Variants in DMBT1 observed in about 807,000 individuals in gnomAD.
DMBT1 encodes scavenger receptor cysteine-rich domain-containing protein DMBT1.
DMBT1 carries 198 observed loss-of-function variants against 252.9 expected under a neutral mutation model. The ratio of observed to expected loss-of-function variants is 0.78; its 90% CI spans 0.70 to 0.88. The LOEUF is 0.88. Among genes scored for constraint, DMBT1 ranks in the 40% least tolerant of loss-of-function variants. DMBT1 has a pLI of 0.00. For synonymous variants in DMBT1, 990 were observed against 942.7 expected (o/e 1.05, Z -0.92); for missense variants, 2,432 against 2,404.7 (o/e 1.01, Z -0.24).
chr10:122,633,251 A>G lies in DMBT1; in HGVS notation c.6458A>G (p.Tyr2153Cys), dbSNP rs2098180918. The G allele has an allele frequency of 1.9e-6, 3 of 1,613,332 alleles. No individual in the cohort carries two copies. The highest frequency in any genetic ancestry group is 1.7e-5 in the Admixed American group (1 of 59,994). The change falls in exon 52 of 56, where the codon TAT becomes TGT. Residue 2153 changes from tyrosine (Y) to cysteine (C), a missense_variant. By Grantham distance (194) the Tyr-to-Cys change is radical. Around this residue, in one of 3 missense-constraint regions of DMBT1, gnomAD observed 1,162 missense variants for 1,169.0 expected, o/e 0.99. Coordinates refer to ENST00000338354, the MANE Select transcript of DMBT1 (RefSeq NM_001377530.1). ...QPSGDFSSPF[Y>C]PGNYPNNAKC... is the part of the protein sequence containing the mutation. ...TCAGGGGACTTTTCCAGCCCATTCTATCCCGGGAACTATCCAAACAATGCC... is the reference window on the plus strand; with the variant it reads ...TCAGGGGACTTTTCCAGCCCATTCTGTCCCGGGAACTATCCAAACAATGCC...
intron 52 of DMBT1, among the ~76,000 whole-genome samples, chr10:122,634,587 C>G (rs759044835): frequency 6.6e-6 from 1 of 151,600 alleles, no homozygotes; most frequent in Non-Finnish European, 1.5e-5. Context: ...ACCTCTGCCT[C>G]CCGGGTTCAA....
chr10:122,586,274 G>A lies in DMBT1; in HGVS notation c.1674G>A (p.Leu558=), dbSNP rs369322339. The change falls in exon 16 of 56, where the codon CTG becomes CTA. Residue 558 remains leucine (L), a synonymous_variant. Transcript: ENST00000338354. ...GTCAGGGCTCAGGACCCATTGTCCT[G>A]GATGACGTGCGCTGCTCAGGGAATG... ...RFGQGSGPIV[L]DDVRCSGNES... is the part of the protein sequence containing the mutation. The A allele has an allele frequency of 9.1e-5, 144 of 1,588,666 alleles. No homozygotes were observed. In the African/African-American group the frequency reaches 1.6e-3, roughly 18 times the overall value.
chr10:122,599,149 A>T, intron 26 of DMBT1, 52 bp downstream of exon 26: 1 of 1,613,126 alleles, frequency 6.2e-7, no homozygotes, highest in Non-Finnish European at 8.5e-7. Flanking sequence ...TTTGCTCCAG[A>T]AGAAACTCCT....
At chr10:122,634,419 C>T (rs57408320) in intron 52 of DMBT1, among the ~76,000 whole-genome samples, 1,227 of 84,962 alleles carry the variant, frequency 0.014, 34 homozygotes, top group African/African-American at 0.066. Context: ...CTTTCTCTCT[C>T]TCTCTCTCTC....
chr10:122,623,576 C>G (rs1219266336), intron 44 of DMBT1, among the ~76,000 whole-genome samples: 1 of 152,206 alleles, frequency 6.6e-6, no homozygotes, highest in African/African-American at 2.4e-5. Flanking sequence ...GTTATGATGT[C>G]TTTTTCATCA....
chr10:122,573,666 C>T (rs1301961796), intron 5 of DMBT1, 49 bp from the exon 6 acceptor site: 1 of 1,606,488 alleles, frequency 6.2e-7, no homozygotes, highest in Non-Finnish European at 8.5e-7. Flanking sequence ...ACCAACCCTC[C>T]CCAAGCGAGG....
chr10:122,636,243 C>T (rs1463918309), intron 53 of DMBT1, 44 bp downstream of exon 53: 1 of 1,507,538 alleles, frequency 6.6e-7, no homozygotes, highest in African/African-American at 1.4e-5. Context: ...TGGGGACATC[C>T]TGAGAGCATC....
rs1191996073 is a variant in DMBT1, at chr10:122,631,153, G to T, written c.6218G>T (p.Gly2073Val). 8.1e-6 allele frequency: 13 copies of T among 1,613,860 alleles called. No homozygotes were observed. The highest frequency in any genetic ancestry group is 1.1e-5 in the Non-Finnish European group (13 of 1,179,906). Residue 2073 changes from glycine to valine, a missense_variant, in exon 49 of 56, where the codon GGC becomes GTC. Physicochemically the swap from Gly to Val is moderately radical, Grantham distance 109. Transcript: ENST00000338354. ...CTTGGAAATGCATATTTTGGCTCTG[G>T]CTCTGGCCCCATCACCCTGGACGAT... Reference protein sequence around the residue: ...SALGNAYFGSGSGPITLDDVE... With the variant: ...SALGNAYFGSVSGPITLDDVE...
rs1297300108 is a variant in DMBT1 at position 122,589,403 on chromosome 10, G to A, written c.2107+136G>A. Reference sequence around the variant, plus strand: ...CTGATATCTCCTTAGCTCTCTTCTAGGAAACTGCATGAGTCTTCACCACAG... The same window carrying A: ...CTGATATCTCCTTAGCTCTCTTCTAAGAAACTGCATGAGTCTTCACCACAG... On this transcript the variant is annotated intron_variant, in intron 17 of 55. Transcript: ENST00000338354. 5.0e-6 allele frequency: 7 copies of A among 1,400,320 alleles called. No homozygotes were observed. In the African/African-American group the frequency reaches 8.4e-5, roughly 17 times the overall value. 86.7% of individuals were successfully genotyped at this position (1,400,320 alleles called of 1,614,324 possible).
At chr10:122,592,144 A>G in intron 19 of DMBT1, 128 bp from the exon 20 acceptor site, 1 of 1,407,330 alleles carries the variant, frequency 7.1e-7, no homozygotes, top group Non-Finnish European at 9.6e-7. Context: ...CTCTGGTTGC[A>G]GTCGTATTCA....
At position 122,630,316 on chromosome 10, in the gene DMBT1, G is replaced by C; in HGVS notation, c.5851G>C (p.Asp1951His). 6.2e-7 allele frequency: 1 copy of C among 1,613,992 alleles called. No homozygotes were observed. Among genetic ancestry groups the C allele is most frequent in the East Asian group, 2.2e-5 (1 of 44,892 alleles). The change falls in exon 48 of 56, where the codon GAT (aspartate) becomes CAT (histidine). Residue 1951 changes from aspartate to histidine, a missense_variant. Physicochemically the swap from Asp to His is moderately conservative, Grantham distance 81. Coordinates refer to ENST00000338354, the MANE Select transcript of DMBT1 (RefSeq NM_001377530.1). The part of the protein sequence containing the change: ...KLEAHHNCSF[D>H]YVEIFDGSLN... ...GGAGGCACACCATAACTGCAGTTTT[G>C]ATTATGTTGAAATCTTTGATGGATC... is the stretch of plus-strand genomic sequence containing the variant.
chr10:122,617,099 T>C (rs1342755568), intron 39 of DMBT1, 129 bp from the exon 40 acceptor site: 11 of 1,121,846 alleles, frequency 9.8e-6, no homozygotes, highest in Non-Finnish European at 1.5e-5. Flanking sequence ...GGAAGACACA[T>C]GGGAAGCAAG....
chr10:122,567,787 C>A (rs1426680983), intron 2 of DMBT1, among the ~76,000 whole-genome samples: 4 of 152,156 alleles, frequency 2.6e-5, no homozygotes, highest in Non-Finnish European at 4.4e-5. Flanking sequence ...CAATTAGCCC[C>A]TCCCAGGAGA....
chr10:122,588,259 T>G (rs1191398952), intron 16 of DMBT1, among the ~76,000 whole-genome samples: 1 of 148,232 alleles, frequency 6.7e-6, no homozygotes, highest in African/African-American at 2.4e-5. Context: ...GGTGGGTCCC[T>G]GTCTTTTTCA....
intron 2 of DMBT1, among the ~76,000 whole-genome samples, chr10:122,568,851 C>G (rs140636432): frequency 4.1e-4 from 63 of 152,300 alleles, no homozygotes; most frequent in African/African-American, 1.5e-3. Flanking sequence ...GTCCCCACAG[C>G]GGATGGTACA....
Position 122,618,292 on chromosome 10 carries a change from C to T in DMBT1, c.5167C>T (p.Leu1723Phe), listed in dbSNP as rs369964334. ...YLWSCPHNGWLSHNCGHHEDA... is the reference protein window; with the variant it reads ...YLWSCPHNGWFSHNCGHHEDA... ...GTGGAGCTGCCCCCACAATGGCTGG[C>T]TCTCCCACAACTGTGGCCATCATGA... The change falls in exon 41 of 56, where the codon CTC becomes TTC. Residue 1723 changes from leucine to phenylalanine, a missense_variant. Leu to Phe is a conservative substitution (Grantham distance 22). Around this residue, in one of 3 missense-constraint regions of DMBT1, gnomAD observed 1,162 missense variants for 1,169.0 expected, o/e 0.99. Coordinates refer to ENST00000338354, the MANE Select transcript of DMBT1 (RefSeq NM_001377530.1). 6.2e-7 allele frequency: 1 copy of T among 1,613,846 alleles called. No homozygotes were observed. The highest frequency in any genetic ancestry group is 1.7e-5 in the Admixed American group (1 of 60,018).
intron 1 of DMBT1, among the ~76,000 whole-genome samples, chr10:122,565,033 C>A (rs1389507247): frequency 2.5e-5 from 2 of 80,602 alleles, no homozygotes; most frequent in African/African-American, 3.7e-5. Context: ...TGTCTCCAAT[C>A]TTAAAAAAAA....
intron 52 of DMBT1, among the ~76,000 whole-genome samples, chr10:122,634,430 TTC>T (rs764559052): frequency 0.055 from 4,094 of 74,036 alleles, 256 homozygotes; most frequent in Non-Finnish European, 0.085. Flanking sequence ...TCTCTCTCTC[TTC>T]TCTCTCTCTC....
intron 15 of DMBT1, 132 bp from the exon 16 acceptor site, chr10:122,585,928 T>C: frequency 6.7e-7 from 1 of 1,496,822 alleles, no homozygotes; most frequent in African/African-American, 1.4e-5. Flanking sequence ...AATCTCTGGT[T>C]TTATTCATAT....
Sources: gnomAD v4.1 joint callset for allele counts (sites outside exome capture counted in the v4.1 genomes callset) on GRCh38, gnomAD v4.1.1 for gene constraint, gnomAD v4.1.1 regional missense constraint, MANE v1.5 for transcripts, NCBI Gene and HGNC (gene_info 2026-07-23, HGNC 2026-07-21) for gene names.